BCHE: variants seen among roughly 807,000 people sequenced by gnomAD.
The protein encoded by BCHE is butyrylcholinesterase.
BCHE carries 48 observed loss-of-function variants against 51.3 expected under a neutral mutation model. The ratio of observed to expected loss-of-function variants is 0.94; its 90% CI spans 0.74 to 1.19. BCHE has a LOEUF of 1.19. Among genes scored for constraint, BCHE ranks in the 50% most tolerant of loss-of-function variants. The pLI is 0.00. For missense variants in BCHE, 847 were observed against 708.2 expected (o/e 1.20, Z -2.23); for synonymous variants, 251 against 238.0 (o/e 1.05, Z -0.50).
At position 165,786,328 on chromosome 3, in the gene BCHE, A is replaced by G. The variant is rs778122715; in HGVS notation, c.1518-17T>C. The G allele has an allele frequency of 9.4e-6, 15 of 1,590,672 alleles. No homozygotes were observed. The highest frequency in any genetic ancestry group is 1.3e-5 in the African/African-American group (1 of 74,278). ...TTTGGATTCCTAAATAATAAAATAGAGACATTATAGTAAAATTGAAATCAT... is the reference window on the plus strand; with the variant it reads ...TTTGGATTCCTAAATAATAAAATAGGGACATTATAGTAAAATTGAAATCAT... On this transcript the variant is annotated splice_polypyrimidine_tract_variant and intron_variant, in intron 2 of 3. Coordinates refer to ENST00000264381, the MANE Select transcript of BCHE (RefSeq NM_000055.4).
intron 2 of BCHE, among the ~76,000 whole-genome samples, chr3:165,814,957 T>G (rs1390758303): frequency 6.7e-6 from 1 of 148,720 alleles, no homozygotes; most frequent in Non-Finnish European, 1.5e-5. Context: ...ATTATAAATT[T>G]TATATCTATA....
At chr3:165,836,492 C>A (rs2108240261) in intron 1 of BCHE, among the ~76,000 whole-genome samples, 1 of 151,832 alleles carries the variant, frequency 6.6e-6, no homozygotes, top group Admixed American at 6.6e-5. Context: ...AAATCATAAA[C>A]AATGAAATCA....
At chr3:165,798,513 G>T (rs1713510551) in intron 2 of BCHE, among the ~76,000 whole-genome samples, 3 of 152,072 alleles carry the variant, frequency 2.0e-5, no homozygotes. Context: ...TTATTATTCA[G>T]ATTATATAGA....
At chr3:165,831,120 A>T (rs1714967871) in intron 1 of BCHE, 79 bp from the exon 2 acceptor site, 4 of 1,249,458 alleles carry the variant, frequency 3.2e-6, no homozygotes, top group Non-Finnish European at 4.5e-6. Flanking sequence ...AATTACCTAA[A>T]ATATAGTCGT....
At chr3:165,778,086 C>G (rs1712543175) in intron 3 of BCHE, among the ~76,000 whole-genome samples, 2 of 151,826 alleles carry the variant, frequency 1.3e-5, no homozygotes, top group African/African-American at 4.8e-5. Context: ...GGGTTGGTGC[C>G]CCTAACCCCC....
chr3:165,830,368 G>A lies in BCHE; in HGVS notation c.666C>T (p.Leu222=), dbSNP rs1250806288. The A allele has an allele frequency of 1.2e-6, 2 of 1,613,914 alleles. No individual in the cohort carries two copies. The highest frequency in any genetic ancestry group is 2.2e-5 in the East Asian group (1 of 44,860). The change falls in exon 2 of 4, where the codon CTC becomes CTT. Residue 222 remains leucine (L), a synonymous_variant. Transcript: ENST00000264381. The part of the protein sequence containing the change: ...AFGGNPKSVT[L]FGESAGAASV... ...AAGCTGCTCCTGCACTTTCTCCAAA[G>A]AGAGTTACACTTTTAGGATTTCCAC...
chr3:165,811,009 C>T (rs2108221418), intron 2 of BCHE, among the ~76,000 whole-genome samples: 1 of 152,126 alleles, frequency 6.6e-6, no homozygotes, highest in East Asian at 1.9e-4. Flanking sequence ...GTTAAATTGA[C>T]TGAAATTTAT....
chr3:165,827,462 A>C (rs1423363840), intron 2 of BCHE, among the ~76,000 whole-genome samples: 1 of 151,622 alleles, frequency 6.6e-6, no homozygotes, highest in Non-Finnish European at 1.5e-5. Context: ...TAAATAATTA[A>C]GTATTAAATA....
chr3:165,787,388 C>T (rs576086878), intron 2 of BCHE, among the ~76,000 whole-genome samples: 2 of 151,592 alleles, frequency 1.3e-5, no homozygotes, highest in Non-Finnish European at 1.5e-5. Context: ...AAATATGAAA[C>T]ACAAAGTTTT....
At chr3:165,824,365 T>C (rs528916476) in intron 2 of BCHE, among the ~76,000 whole-genome samples, 1 of 152,094 alleles carries the variant, frequency 6.6e-6, no homozygotes, top group African/African-American at 2.4e-5. Flanking sequence ...CACAATTTAA[T>C]ATCTATTTAT....
At chr3:165,809,949 T>C (rs937216467) in intron 2 of BCHE, among the ~76,000 whole-genome samples, 47 of 152,168 alleles carry the variant, frequency 3.1e-4, no homozygotes, top group Admixed American at 3.1e-3. Flanking sequence ...ATTTCCACTC[T>C]TTCGTTAGTA....
intron 2 of BCHE, among the ~76,000 whole-genome samples, chr3:165,803,062 G>A (rs1169377206): frequency 3.3e-5 from 5 of 152,088 alleles, no homozygotes; most frequent in Non-Finnish European, 7.4e-5. Context: ...TTTAAAGGAA[G>A]AGTACAGGAA....
intron 2 of BCHE, among the ~76,000 whole-genome samples, chr3:165,811,323 A>C (rs1464026): frequency 0.95 from 143,999 of 152,092 alleles, 68,235 homozygotes; most frequent in Non-Finnish European, 0.97. Flanking sequence ...ATCTGAATTT[A>C]CATTTGATAC....
At chr3:165,822,445 G>T (rs1287388340) in intron 2 of BCHE, among the ~76,000 whole-genome samples, 1 of 151,984 alleles carries the variant, frequency 6.6e-6, no homozygotes, top group Non-Finnish European at 1.5e-5. Context: ...TTCTGTCAAT[G>T]ACAAGTTTTA....
At chr3:165,812,028 G>A (rs981593812) in intron 2 of BCHE, among the ~76,000 whole-genome samples, 4 of 151,496 alleles carry the variant, frequency 2.6e-5, no homozygotes, top group Non-Finnish European at 5.9e-5. Flanking sequence ...CAAAGTATCT[G>A]AAGGCTGTAT....
intron 2 of BCHE, chr3:165,828,082 G>A (rs1188493042): frequency 4.4e-6 from 2 of 455,778 alleles, no homozygotes; most frequent in Middle Eastern, 6.5e-4. Flanking sequence ...TACAATGAAA[G>A]AGGAAATAGA....
chr3:165,822,247 G>C (rs1206616206), intron 2 of BCHE, among the ~76,000 whole-genome samples: 2 of 151,822 alleles, frequency 1.3e-5, no homozygotes, highest in African/African-American at 4.8e-5. Context: ...AAAAAGTATA[G>C]AAGCAAGTAA....
At chr3:165,790,023 T>TG in intron 2 of BCHE, among the ~76,000 whole-genome samples, 1 of 152,180 alleles carries the variant, frequency 6.6e-6, no homozygotes, top group South Asian at 2.1e-4. Context: ...AAATGAGGAC[T>TG]GGGGATAAAT....
chr3:165,822,131 A>G (rs1714549621), intron 2 of BCHE, among the ~76,000 whole-genome samples: 2 of 152,042 alleles, frequency 1.3e-5, no homozygotes, highest in Admixed American at 1.3e-4. Context: ...ACATGTCAGA[A>G]CATTTATTCC....
Sources: gnomAD v4.1 joint callset for allele counts (sites outside exome capture counted in the v4.1 genomes callset) on GRCh38, gnomAD v4.1.1 for gene constraint, MANE v1.5 for transcripts, NCBI Gene and HGNC (gene_info 2026-07-23, HGNC 2026-07-21) for gene names.